Variants in MGAT4C observed in about 807,000 individuals in gnomAD.
MGAT4C encodes the protein alpha-1,3-mannosyl-glycoprotein 4-beta-N-acetylglucosaminyltransferase C.
A neutral mutation model predicts 40.1 loss-of-function variants in MGAT4C; 19 were observed. The ratio of observed to expected loss-of-function variants is 0.47; its 90% CI spans 0.33 to 0.70. The LOEUF (loss-of-function observed/expected upper bound fraction) is 0.70. MGAT4C is among the 30% of genes least tolerant of loss of function. The pLI, the probability that MGAT4C is intolerant of heterozygous loss-of-function variation, is 0.02. For synonymous variants in MGAT4C, 181 were observed against 187.1 expected (o/e 0.97, Z 0.27); for missense variants, 491 against 563.2 (o/e 0.87, Z 1.30).
At chr12:86,146,921 T>C (rs1009298082) in intron 1 of MGAT4C, among the ~76,000 whole-genome samples, 12 of 152,136 alleles carry the variant, frequency 7.9e-5, no homozygotes, top group African/African-American at 1.4e-4. Flanking sequence ...GTCCTACATA[T>C]ATTAAACTTC....
At chr12:86,205,324 T>C (rs1950210177) in intron 1 of MGAT4C, among the ~76,000 whole-genome samples, 1 of 79,180 alleles carries the variant, frequency 1.3e-5, no homozygotes, top group Non-Finnish European at 3.0e-5. Context: ...TTCTTGAAAA[T>C]TATAGTTAGT....
chr12:86,763,187 T>C (rs1951436263), intron 1 of MGAT4C, among the ~76,000 whole-genome samples: 2 of 152,166 alleles, frequency 1.3e-5, no homozygotes, highest in Non-Finnish European at 1.5e-5. Flanking sequence ...TCAAAACAAA[T>C]TGTATGTAAG....
intron 1 of MGAT4C, among the ~76,000 whole-genome samples, chr12:86,746,683 A>T (rs1193512916): frequency 1.3e-5 from 2 of 151,602 alleles, no homozygotes; most frequent in African/African-American, 4.8e-5. Flanking sequence ...CTTACCTCTG[A>T]TCCTTCTACA....
chr12:86,535,836 TA>T (rs35750738), intron 2 of MGAT4C, among the ~76,000 whole-genome samples: 9,712 of 152,110 alleles, frequency 0.064, 739 homozygotes, highest in East Asian at 0.23. Flanking sequence ...TTAGTAATTA[TA>T]CTCTTCAAGC....
intron 1 of MGAT4C, among the ~76,000 whole-genome samples, chr12:86,790,842 A>T (rs980037346): frequency 6.6e-5 from 10 of 152,164 alleles, no homozygotes; most frequent in African/African-American, 2.4e-4. Context: ...AAAAAAATGG[A>T]ATCTAGGGCC....
Position 85,959,285 on chromosome 12 carries a change from G to T in MGAT4C, c.*20004C>A, listed in dbSNP as rs924336166. ...TGGAAAAATCTCATGAAGACTAGAA[G>T]ATTTACACTCATAAGATCATGTAAA... On this transcript the variant is annotated 3_prime_UTR_variant, in exon 5 of 5. Coordinates refer to ENST00000611864, the MANE Select transcript of MGAT4C (RefSeq NM_001351288.2). 6 of 151,998 alleles carry T rather than the reference G, an allele frequency of 3.9e-5. No homozygotes were observed. The highest frequency in any genetic ancestry group is 1.2e-4 in the African/African-American group (5 of 41,404). The allele number at this position is 151,998 out of a possible 1,614,324, so 9.4% of individuals were successfully genotyped here.
At chr12:86,536,565 T>G (rs1054223488) in intron 2 of MGAT4C, among the ~76,000 whole-genome samples, 2 of 152,102 alleles carry the variant, frequency 1.3e-5, no homozygotes, top group Non-Finnish European at 2.9e-5. Flanking sequence ...ATAAATAAAA[T>G]AAAACCTCTT....
intron 3 of MGAT4C, among the ~76,000 whole-genome samples, chr12:86,426,839 C>T (rs1369921269): frequency 6.6e-6 from 1 of 151,962 alleles, no homozygotes; most frequent in Non-Finnish European, 1.5e-5. Context: ...CCCAGCCACT[C>T]GGGAGGCTGA....
intron 2 of MGAT4C, among the ~76,000 whole-genome samples, chr12:86,520,422 T>C (rs776452186): frequency 2.6e-5 from 4 of 152,210 alleles, no homozygotes; most frequent in Non-Finnish European, 5.9e-5. Context: ...TATGGCTGCA[T>C]AGTATCTAAC....
At chr12:86,428,009 G>A (rs1012714758) in intron 3 of MGAT4C, among the ~76,000 whole-genome samples, 1 of 151,810 alleles carries the variant, frequency 6.6e-6, no homozygotes, top group Non-Finnish European at 1.5e-5. Flanking sequence ...GACAGAGCGA[G>A]AGTCCATTTC....
intron 2 of MGAT4C, among the ~76,000 whole-genome samples, chr12:86,698,206 GA>G (rs932829717): frequency 1.2e-4 from 18 of 148,452 alleles, no homozygotes; most frequent in African/African-American, 3.2e-4. Context: ...CAAAGAAAAT[GA>G]AAAAAAAACT....
chr12:86,398,916 G>A (rs977071140), intron 3 of MGAT4C, among the ~76,000 whole-genome samples: 3 of 151,996 alleles, frequency 2.0e-5, no homozygotes, highest in South Asian at 2.1e-4. Flanking sequence ...TGGGATTTCC[G>A]CTGTCCAGGC....
At chr12:86,110,304 A>ATATAGAC (rs1555224774) in intron 1 of MGAT4C, among the ~76,000 whole-genome samples, 1 of 101,362 alleles carries the variant, frequency 9.9e-6, no homozygotes, top group Non-Finnish European at 1.9e-5. Context: ...GTCTCTCTAT[A>ATATAGAC]TATATATATA....
At chr12:86,601,563 A>G (rs1241978718) in intron 2 of MGAT4C, among the ~76,000 whole-genome samples, 3 of 151,794 alleles carry the variant, frequency 2.0e-5, no homozygotes, top group Admixed American at 1.3e-4. Flanking sequence ...TCACCCTCCA[A>G]TTGTCTGAGT....
intron 1 of MGAT4C, among the ~76,000 whole-genome samples, chr12:86,119,553 G>A (rs12578556): frequency 0.035 from 5,297 of 151,542 alleles, 312 homozygotes; most frequent in East Asian, 0.29. Flanking sequence ...GATTACAGGC[G>A]TCCGCCACGA....
intron 1 of MGAT4C, among the ~76,000 whole-genome samples, chr12:86,179,173 T>C (rs1887828696): frequency 6.6e-6 from 1 of 152,182 alleles, no homozygotes; most frequent in Non-Finnish European, 1.5e-5. Flanking sequence ...TGAGATCTGA[T>C]GGGTTTATCA....
chr12:86,803,878 A>T (rs1253729819), intron 1 of MGAT4C, among the ~76,000 whole-genome samples: 37 of 150,872 alleles, frequency 2.5e-4, no homozygotes, highest in Non-Finnish European at 7.4e-5. Context: ...GGGATCTAGA[A>T]CTAGAAATAC....
At chr12:86,514,272 G>A (rs1251526039) in intron 2 of MGAT4C, among the ~76,000 whole-genome samples, 1 of 152,092 alleles carries the variant, frequency 6.6e-6, no homozygotes, top group Non-Finnish European at 1.5e-5. Context: ...AAGTCACTAA[G>A]GAAACAATCA....
At chr12:86,618,560 G>A (rs1412337589) in intron 2 of MGAT4C, among the ~76,000 whole-genome samples, 2 of 152,110 alleles carry the variant, frequency 1.3e-5, no homozygotes, top group Non-Finnish European at 2.9e-5. Flanking sequence ...TATGTTAAGT[G>A]AATTAAGCCA....
Sources: allele counts gnomAD v4.1 joint callset (sites outside exome capture counted in the v4.1 genomes callset), GRCh38; gene constraint gnomAD v4.1.1; transcripts MANE v1.5; gene names NCBI Gene and HGNC (gene_info 2026-07-23, HGNC 2026-07-21).